HID1: variants seen among roughly 807,000 people sequenced by gnomAD.
The protein encoded by HID1 is protein HID1.
HID1 carries 42 observed loss-of-function variants against 89.7 expected under a neutral mutation model. That is an observed-to-expected ratio of 0.47 (90% CI 0.37 to 0.61). The LOEUF is 0.61. Ranked by LOEUF, HID1 falls within the 20% of genes least tolerant of loss-of-function variation. HID1 has a pLI of 0.00. For synonymous variants in HID1, 442 were observed against 433.8 expected, an observed-to-expected ratio of 1.02 and a Z score of -0.24; for missense variants, 854 against 1,039.3, an observed-to-expected ratio of 0.82 and a Z score of 2.45.
Position 74,972,108 on chromosome 17 carries a change from C to A in HID1, c.66+483G>T, listed in dbSNP as rs896388163. On this transcript the variant is annotated intron_variant, in intron 1 of 18. Transcript: ENST00000425042. The surrounding 1 kb of genome is among the most constrained non-coding windows in gnomAD (Gnocchi z 6.4). ...CCAGGGCCCAGCGAGGCCGCTGCCGCGCACACCAGCTGTTTCTCCGACCCG... is the reference window on the plus strand; with the variant it reads ...CCAGGGCCCAGCGAGGCCGCTGCCGAGCACACCAGCTGTTTCTCCGACCCG... Among the ~76,000 whole-genome samples, 1 of 152,204 alleles carries A rather than the reference C, an allele frequency of 6.6e-6. No individual in the cohort carries two copies. Among genetic ancestry groups the A allele is most frequent in the African/African-American group, 2.4e-5 (1 of 41,454 alleles).
intron 1 of HID1, among the ~76,000 whole-genome samples, chr17:74,971,618 G>C (rs1008657208): frequency 3.9e-5 from 6 of 152,198 alleles, no homozygotes; most frequent in African/African-American, 1.4e-4. Context: ...GAAAGAGGAA[G>C]ATCCCAGATG....
chr17:74,958,650 T>TGG lies in HID1; in HGVS notation c.1240+22_1240+23insCC. The stretch of plus-strand genomic sequence containing the variant: ...CTCGCCGCCAGGAAAGCCCCCAGCA[T>TGG]CCCACCCCCACCCTGGTCTTACACT... On this transcript the variant is annotated intron_variant, in intron 10 of 18. Transcript: ENST00000425042. The surrounding 1 kb of genome is among the most constrained non-coding windows in gnomAD (Gnocchi z 5.2). 39 of 1,163,118 alleles carry TGG rather than the reference T, an allele frequency of 3.4e-5. No individual in the cohort carries two copies. Among genetic ancestry groups the TGG allele is most frequent in the Non-Finnish European group, 4.8e-5 (37 of 774,952 alleles). 72.0% of individuals were successfully genotyped at this position (1,163,118 alleles called of 1,614,324 possible).
Position 74,962,981 on chromosome 17 carries a change from TG to T in HID1, c.487del (p.His163ThrfsTer40). On this transcript the variant is annotated frameshift_variant, in exon 4 of 19. Coordinates refer to ENST00000425042, the MANE Select transcript of HID1 (RefSeq NM_030630.3). LOFTEE classifies it high-confidence loss of function. This position sits in a 1 kb window ranked among gnomAD's most constrained non-coding sequence, Gnocchi z 4.3. ...GACACTCACCACAGTGCTCCTCCGG[TG>T]GCTCTGAACCGTGAAGTCCGGGCAG... ...LFCPDFTVQS[H>X]RRSTVDSAED... 6.2e-7 allele frequency: 1 copy of T among 1,612,488 alleles called. No individual in the cohort carries two copies. The highest frequency in any genetic ancestry group is 8.5e-7 in the Non-Finnish European group (1 of 1,178,990).
rs375262165 is a variant in HID1, at chr17:74,952,365, C to T, written c.2053-5G>A. On this transcript the variant is annotated splice_polypyrimidine_tract_variant and splice_region_variant and intron_variant, in intron 16 of 18. Coordinates refer to ENST00000425042, the MANE Select transcript of HID1 (RefSeq NM_030630.3). ...CTTCGACTTCCAGGAGAGGACCTGG[C>T]GAGGGACGGGGTTCCTGGGGCTGAG... 1.2e-5 allele frequency: 20 copies of T among 1,612,400 alleles called. No individual in the cohort carries two copies. Among genetic ancestry groups the T allele is most frequent in the East Asian group, 2.2e-5 (1 of 44,870 alleles).
Position 74,952,366 on chromosome 17 carries a change from G to C in HID1, c.2053-6C>G. 1 of 1,612,048 alleles carries C rather than the reference G, an allele frequency of 6.2e-7. No homozygotes were observed. Among genetic ancestry groups the C allele is most frequent in the Non-Finnish European group, 8.5e-7 (1 of 1,178,506 alleles). On this transcript the variant is annotated splice_polypyrimidine_tract_variant and splice_region_variant and intron_variant, in intron 16 of 18. Coordinates refer to ENST00000425042, the MANE Select transcript of HID1 (RefSeq NM_030630.3). ...TTCGACTTCCAGGAGAGGACCTGGC[G>C]AGGGACGGGGTTCCTGGGGCTGAGA...
chr17:74,965,045 G>T (rs1210622131), intron 1 of HID1, among the ~76,000 whole-genome samples: 1 of 152,218 alleles, frequency 6.6e-6, no homozygotes, highest in Admixed American at 6.5e-5. Flanking sequence ...GAAGACAAAG[G>T]TGACTTGTAC....
chr17:74,964,853 A>C (rs1367765534), intron 1 of HID1, among the ~76,000 whole-genome samples: 1 of 152,216 alleles, frequency 6.6e-6, no homozygotes, highest in African/African-American at 2.4e-5. Flanking sequence ...GTCAGGGGTC[A>C]GCTAGGCACA....
At chr17:74,954,739 G>A in intron 13 of HID1, 1 of 288,004 alleles carries the variant, frequency 3.5e-6, no homozygotes, top group South Asian at 3.3e-5. Context: ...CTCGAGCAAG[G>A]TGGCCAGGAG....
chr17:74,958,976 T>TG lies in HID1; in HGVS notation c.1083dup (p.Thr362HisfsTer184). On this transcript the variant is annotated frameshift_variant, in exon 9 of 19. Transcript: ENST00000425042. LOFTEE classifies it high-confidence loss of function. This position sits in a 1 kb window ranked among gnomAD's most constrained non-coding sequence, Gnocchi z 5.2. ...TCCTGGTGGAACTGGATCTTCTTGG[T>TG]GGAGTTAGGCAGGTAGGTCTGGAGC... 1 of 1,605,530 alleles carries TG rather than the reference T, an allele frequency of 6.2e-7. No homozygotes were observed. The highest frequency in any genetic ancestry group is 2.2e-5 in the East Asian group (1 of 44,846).
Position 74,956,074 on chromosome 17 carries a change from C to A in HID1, c.1472-118G>T, listed in dbSNP as rs554685922. The A allele has an allele frequency of 5.0e-5, 53 of 1,054,610 alleles. No homozygotes were observed. The African/African-American group carries it at 7.9e-4, about 16-fold the overall frequency. The allele number at this position is 1,054,610 out of a possible 1,614,324, so 65.3% of individuals were successfully genotyped here. A position where few individuals can be genotyped will look rare whatever the true frequency, so the allele number is the denominator to read the frequency against. The stretch of plus-strand genomic sequence containing the variant: ...AATCCCTCCCTGCCCCCTGCAGAGC[C>A]AGGACGACCAAGGCCCTAAGAGGCT... On this transcript the variant is annotated intron_variant, in intron 12 of 18. Coordinates refer to ENST00000425042, the MANE Select transcript of HID1 (RefSeq NM_030630.3).
At chr17:74,963,671 G>T in intron 3 of HID1, 69 bp downstream of exon 3, 2 of 1,429,052 alleles carry the variant, frequency 1.4e-6, no homozygotes, top group Non-Finnish European at 1.9e-6. Context: ...GAGCATGGCC[G>T]GCCCTAAAGG....
chr17:74,961,776 C>G (rs1325474446), intron 6 of HID1, 97 bp downstream of exon 6: 2 of 627,334 alleles, frequency 3.2e-6, no homozygotes, highest in East Asian at 6.1e-5. Flanking sequence ...GGGGCAGCAC[C>G]TCCCCTCAAA....
intron 1 of HID1, among the ~76,000 whole-genome samples, chr17:74,970,509 G>C (rs918924188): frequency 6.6e-6 from 1 of 152,186 alleles, no homozygotes; most frequent in Non-Finnish European, 1.5e-5. Context: ...TCTCCCTCCA[G>C]AGCCCCACCT....
At chr17:74,953,990 C>A (rs1037340819) in intron 14 of HID1, 148 bp downstream of exon 14, 5 of 793,912 alleles carry the variant, frequency 6.3e-6, no homozygotes, top group East Asian at 2.6e-5. Context: ...CCAGTACCCT[C>A]CCCCCATCCC....
In HID1 at chr17:74,950,872, A is replaced by G. The variant is rs1478525450; in HGVS notation, c.*698T>C. ...GATGAGGGGTGGCATCGCCCCATCC[A>G]GGCAGTGGGCAGGGCAGGGAGGACT... On this transcript the variant is annotated 3_prime_UTR_variant, in exon 19 of 19. Coordinates refer to ENST00000425042, the MANE Select transcript of HID1 (RefSeq NM_030630.3). 1 of 152,484 alleles carries G rather than the reference A, an allele frequency of 6.6e-6. No homozygotes were observed. The highest frequency in any genetic ancestry group is 2.4e-5 in the African/African-American group (1 of 41,460). 9.4% of individuals were successfully genotyped at this position (152,484 alleles called of 1,614,324 possible). A position where few individuals can be genotyped will look rare whatever the true frequency, so the allele number is the denominator to read the frequency against.
chr17:74,956,015 C>T, intron 12 of HID1, 59 bp from the exon 13 acceptor site: 1 of 1,548,836 alleles, frequency 6.5e-7, no homozygotes, highest in Non-Finnish European at 8.8e-7. Flanking sequence ...CCTGCACATC[C>T]TGGGCCGGGG....
In HID1 at chr17:74,968,986, C is replaced by G. The variant is rs115335862; in HGVS notation, c.66+3605G>C. 1.0e-3 allele frequency among the ~76,000 whole-genome samples: 157 copies of G among 152,320 alleles called. 1 individual carries two copies. Among genetic ancestry groups the G allele is most frequent in the African/African-American group, 3.7e-3 (152 of 41,574 alleles). On this transcript the variant is annotated intron_variant, in intron 1 of 18. Transcript: ENST00000425042. ...GGAACAGGACTTTGCCTCCCTGTTTCCTCAGCTTGGGCCTCCTCTCCTGGT... is the reference window on the plus strand; with the variant it reads ...GGAACAGGACTTTGCCTCCCTGTTTGCTCAGCTTGGGCCTCCTCTCCTGGT...
intron 6 of HID1, 85 bp downstream of exon 6, chr17:74,961,788 G>T: frequency 1.3e-6 from 1 of 767,732 alleles, no homozygotes; most frequent in Non-Finnish European, 2.0e-6. Flanking sequence ...CCCCTCAAAC[G>T]AGACCCAGAG....
rs911909686 is a variant in HID1 at position 74,952,850 on chromosome 17, C to T, written c.2052+156G>A. On this transcript the variant is annotated intron_variant, in intron 16 of 18. Coordinates refer to ENST00000425042, the MANE Select transcript of HID1 (RefSeq NM_030630.3). The stretch of plus-strand genomic sequence containing the variant: ...GGATGTCACCAGCCGGAAGGACCGA[C>T]CCAGAGTCAGGCTTCTATGCTAGGG... 1.8e-4 allele frequency among the ~76,000 whole-genome samples: 27 copies of T among 152,344 alleles called. 1 individual carries two copies. The highest frequency in any genetic ancestry group is 3.8e-4 in the African/African-American group (16 of 41,578).
Sources: gnomAD v4.1 joint callset for allele counts (sites outside exome capture counted in the v4.1 genomes callset) on GRCh38, gnomAD v4.1.1 for gene constraint, Gnocchi (gnomAD v3.1) non-coding constraint, MANE v1.5 for transcripts, NCBI Gene and HGNC (gene_info 2026-07-23, HGNC 2026-07-21) for gene names.